KAZALD1: variants seen among roughly 807,000 people sequenced by gnomAD.
KAZALD1 encodes the protein Kazal type serine peptidase inhibitor domain 1, also known as kazal-type serine protease inhibitor domain-containing protein 1.
A neutral mutation model predicts 27.7 loss-of-function variants in KAZALD1; 31 were observed. The ratio of observed to expected loss-of-function variants is 1.12; its 90% CI spans 0.84 to 1.51. KAZALD1 has a LOEUF of 1.51. Ranked by LOEUF, KAZALD1 falls within the 40% of genes most tolerant of loss-of-function variation. The probability of loss-of-function intolerance (pLI) is 0.00; values close to 1 mark genes in which losing one functional copy is unlikely to be tolerated. For missense variants in KAZALD1, 444 were observed against 408.9 expected (o/e 1.09, Z -0.74); for synonymous variants, 179 against 182.0 (o/e 0.98, Z 0.13).
intron 1 of KAZALD1, 58 bp from the exon 2 acceptor site, chr10:101,062,484 T>A: frequency 4.1e-6 from 6 of 1,473,658 alleles, no homozygotes; most frequent in Non-Finnish European, 5.4e-6. Context: ...GCAGTGAGGT[T>A]GGTCTTTCGG....
Position 101,066,231 on chromosome 10 carries a change from G to C in KAZALD1, c.*1311G>C, listed in dbSNP as rs537379748. The C allele has an allele frequency of 5.6e-6, 2 of 355,692 alleles. No homozygotes were observed. Among genetic ancestry groups the C allele is most frequent in the Non-Finnish European group, 1.1e-5 (2 of 175,684 alleles). 22.0% of individuals were successfully genotyped at this position (355,692 alleles called of 1,614,324 possible). A position where few individuals can be genotyped will look rare whatever the true frequency, so the allele number is the denominator to read the frequency against. On this transcript the variant is annotated 3_prime_UTR_variant, in exon 5 of 5. Coordinates refer to ENST00000370200, the MANE Select transcript of KAZALD1 (RefSeq NM_030929.5). ...CCTCCTACACGCCAGGGCTCCACCC[G>C]GATCCTGGCGCCACTGCGGGAGGGC...
chr10:101,063,538 T>C (rs1453742252), intron 2 of KAZALD1, among the ~76,000 whole-genome samples: 1 of 152,234 alleles, frequency 6.6e-6, no homozygotes, highest in African/African-American at 2.4e-5. Flanking sequence ...TCCCCACCTC[T>C]CTGCTTTCTC....
rs984400689 is a variant in KAZALD1 at position 101,066,200 on chromosome 10, C to T, written c.*1280C>T. ...AGGCCGAGGCGCTGTGTGTAGATGG[C>T]GACAGCCTCCTACACGCCAGGGCTC... On this transcript the variant is annotated 3_prime_UTR_variant, in exon 5 of 5. Transcript: ENST00000370200. 7 of 341,038 alleles carry T rather than the reference C, an allele frequency of 2.1e-5. No individual in the cohort carries two copies. Among genetic ancestry groups the T allele is most frequent in the Admixed American group, 3.9e-5 (1 of 25,624 alleles). The allele number at this position is 341,038 out of a possible 1,614,324, so 21.1% of individuals were successfully genotyped here.
chr10:101,064,458 G>C, intron 3 of KAZALD1, 37 bp downstream of exon 3: 1 of 1,614,152 alleles, frequency 6.2e-7, no homozygotes, highest in Non-Finnish European at 8.5e-7. Flanking sequence ...AGGCAGCCCA[G>C]GGCCCTCCAG....
Position 101,062,761 on chromosome 10 carries a change from CG to C in KAZALD1, c.171del (p.Pro58GlnfsTer59). On this transcript the variant is annotated frameshift_variant, in exon 2 of 5. Coordinates refer to ENST00000370200, the MANE Select transcript of KAZALD1 (RefSeq NM_030929.5). LOFTEE classifies it high-confidence loss of function. ...LAEGEGCAPC[R>X]PEECAAPRGC... The stretch of plus-strand genomic sequence containing the variant: ...GGAGGGCGAGGGCTGCGCTCCCTGC[CG>C]GCCAGAAGAGTGCGCCGCGCCGCGG... 1 of 1,539,500 alleles carries C rather than the reference CG, an allele frequency of 6.5e-7. No individual in the cohort carries two copies. The highest frequency in any genetic ancestry group is 8.7e-7 in the Non-Finnish European group (1 of 1,153,694).
chr10:101,064,319 C>A lies in KAZALD1; in HGVS notation c.570C>A (p.Ile190=). 6.2e-7 allele frequency: 1 copy of A among 1,614,216 alleles called. No homozygotes were observed. Among genetic ancestry groups the A allele is most frequent in the African/African-American group, 1.3e-5 (1 of 75,052 alleles). The change falls in exon 3 of 5, where the codon ATC becomes ATA. Residue 190 remains isoleucine (I), a synonymous_variant. Coordinates refer to ENST00000370200, the MANE Select transcript of KAZALD1 (RefSeq NM_030929.5). ...DTWNVTGQDV[I]FGCEVFAYPM... is the part of the protein sequence containing the mutation. ...GGAATGTGACAGGGCAGGATGTGAT[C>A]TTTGGCTGTGAAGTGTTTGCCTACC...
chr10:101,067,927 CG>C, downstream of KAZALD1: 1 of 471,500 alleles, frequency 2.1e-6, no homozygotes, highest in Non-Finnish European at 4.4e-6. Flanking sequence ...CGGTGGCGTG[CG>C]GGGAAGCGCC....
rs1001456143 is a variant in KAZALD1, at chr10:101,063,234, T to C, written c.511+131T>C. 7 of 762,740 alleles carry C rather than the reference T, an allele frequency of 9.2e-6. No individual in the cohort carries two copies. In the Admixed American group the frequency reaches 1.1e-4, roughly 12 times the overall value. The allele number at this position is 762,740 out of a possible 1,614,324, so 47.2% of individuals were successfully genotyped here. A position where few individuals can be genotyped will look rare whatever the true frequency, so the allele number is the denominator to read the frequency against. On this transcript the variant is annotated intron_variant, in intron 2 of 4. Transcript: ENST00000370200. The stretch of plus-strand genomic sequence containing the variant: ...GGCTATAGAGGCCTCGAGTCCAGTA[T>C]AAAACCCTGCTCTCGCTACTGGTTC...
chr10:101,064,495 C>A lies in KAZALD1; in HGVS notation c.673-6C>A. ...AGGACCCTGCTGATTCCTTGCCTGG[C>A]TCCAGTTTAGGGGTGGACCCCAGAG... On this transcript the variant is annotated splice_region_variant and splice_polypyrimidine_tract_variant and intron_variant, in intron 3 of 4. Coordinates refer to ENST00000370200, the MANE Select transcript of KAZALD1 (RefSeq NM_030929.5). The A allele has an allele frequency of 6.2e-7, 1 of 1,614,178 alleles. No homozygotes were observed. Among genetic ancestry groups the A allele is most frequent in the Non-Finnish European group, 8.5e-7 (1 of 1,180,018 alleles).
At chr10:101,067,519 C>T (rs932789957), downstream of KAZALD1, 8 of 356,516 alleles carry the variant, frequency 2.2e-5, no homozygotes, top group South Asian at 1.0e-4. Flanking sequence ...TTAGCTGAGC[C>T]GGGCTGGGCG....
intron 3 of KAZALD1, 23 bp from the exon 4 acceptor site, chr10:101,064,478 G>A: frequency 6.2e-7 from 1 of 1,614,192 alleles, no homozygotes; most frequent in South Asian, 1.1e-5. Flanking sequence ...GAAGGACCCT[G>A]CTGATTCCTT....
chr10:101,063,200 A>G (rs1302405673), intron 2 of KAZALD1, 97 bp downstream of exon 2: 3 of 1,135,880 alleles, frequency 2.6e-6, no homozygotes, highest in African/African-American at 3.2e-5. Context: ...AGCAGAGCAA[A>G]AAAGATAAGG....
At chr10:101,067,631 C>A (rs886252646), downstream of KAZALD1, 10 of 337,406 alleles carry the variant, frequency 3.0e-5, no homozygotes, top group Non-Finnish European at 5.8e-5. Context: ...AGGAGGAGGG[C>A]CGCTTCGCCC....
chr10:101,066,736 G>A lies in KAZALD1; in HGVS notation c.*1816G>A. The A allele has an allele frequency of 2.9e-6, 1 of 347,140 alleles. No homozygotes were observed. Among genetic ancestry groups the A allele is most frequent in the Non-Finnish European group, 5.7e-6 (1 of 175,448 alleles). 21.5% of individuals were successfully genotyped at this position (347,140 alleles called of 1,614,324 possible). The stretch of plus-strand genomic sequence containing the variant: ...TACCGCGTCCACCTGCAGAGCAGAG[G>A]CTCCTCACCAAAAGCCCCACCCCAC... On this transcript the variant is annotated 3_prime_UTR_variant, in exon 5 of 5. Coordinates refer to ENST00000370200, the MANE Select transcript of KAZALD1 (RefSeq NM_030929.5).
downstream of KAZALD1, chr10:101,068,121 AG>A (rs1564659480): frequency 4.2e-5 from 18 of 427,102 alleles, no homozygotes; most frequent in South Asian, 1.7e-4. Flanking sequence ...AATAAAAAAA[AG>A]ATGCTTCAAT....
At chr10:101,067,743 G>T (rs1274320530), downstream of KAZALD1, 3 of 353,114 alleles carry the variant, frequency 8.5e-6, no homozygotes, top group Non-Finnish European at 1.7e-5. Flanking sequence ...CCTGGTGACC[G>T]GGGGGGTCGA....
chr10:101,067,343 C>T, downstream of KAZALD1: 1 of 456,300 alleles, frequency 2.2e-6, no homozygotes, highest in South Asian at 1.5e-5. Flanking sequence ...ACATTTCCCA[C>T]CTCCAAGATT....
rs1318834314 is a variant in KAZALD1, at chr10:101,066,483, A to T, written c.*1563A>T. 2.2e-6 allele frequency: 1 copy of T among 456,440 alleles called. No homozygotes were observed. Among genetic ancestry groups the T allele is most frequent in the Non-Finnish European group, 4.4e-6 (1 of 226,880 alleles). The allele number at this position is 456,440 out of a possible 1,614,324, so 28.3% of individuals were successfully genotyped here. On this transcript the variant is annotated 3_prime_UTR_variant, in exon 5 of 5. Transcript: ENST00000370200. ...GCGGGCGGCCCTAGGAGCCGCGCAC[A>T]ACAGCGCAAGCGGGCTGGATACCGG...
chr10:101,063,887 A>G (rs950049879), intron 2 of KAZALD1, among the ~76,000 whole-genome samples: 2 of 152,218 alleles, frequency 1.3e-5, no homozygotes, highest in Admixed American at 1.3e-4. Flanking sequence ...GGGGATCTGG[A>G]AGGTTTTGAT....
Sources: allele counts gnomAD v4.1 joint callset (sites outside exome capture counted in the v4.1 genomes callset), GRCh38; gene constraint gnomAD v4.1.1; transcripts MANE v1.5; gene names NCBI Gene and HGNC (gene_info 2026-07-23, HGNC 2026-07-21).